SRGAP1: variants seen among roughly 807,000 people sequenced by gnomAD.
SRGAP1 encodes the protein SLIT-ROBO Rho GTPase-activating protein 1.
SRGAP1 carries 43 observed loss-of-function variants against 121.9 expected under a neutral mutation model. The ratio of observed to expected loss-of-function variants is 0.35; its 90% CI spans 0.28 to 0.46. SRGAP1 has a LOEUF of 0.46. Ranked by LOEUF, SRGAP1 falls within the 20% of genes least tolerant of loss-of-function variation. The pLI, the probability that SRGAP1 is intolerant of heterozygous loss-of-function variation, is 1.00. For missense variants in SRGAP1, 1,102 were observed against 1,350.9 expected (o/e 0.82, Z 2.89); for synonymous variants, 447 against 485.4 (o/e 0.92, Z 1.04).
intron 1 of SRGAP1, among the ~76,000 whole-genome samples, chr12:63,924,461 A>G (rs1330003696): frequency 2.0e-5 from 3 of 152,242 alleles, no homozygotes; most frequent in Non-Finnish European, 4.4e-5. Context: ...TATTTTAGAG[A>G]TCATCTAGTT....
rs75141567 is a variant in SRGAP1, at chr12:63,953,137, C to T, written c.68-30810C>T. 8.0e-3 allele frequency among the ~76,000 whole-genome samples: 1,223 copies of T among 152,218 alleles called. 3 individuals carry two copies. Among genetic ancestry groups the T allele is most frequent in the Middle Eastern group, 0.02 (6 of 294 alleles). The stretch of plus-strand genomic sequence containing the variant: ...AGATCTCTGACTCCAGAGCTTGTAC[C>T]GTTTCCATTATACCAGATTGTCCAG... On this transcript the variant is annotated intron_variant, in intron 1 of 21. Transcript: ENST00000355086.
chr12:64,076,811 A>G (rs193224488), intron 8 of SRGAP1, among the ~76,000 whole-genome samples: 17 of 151,844 alleles, frequency 1.1e-4, no homozygotes, highest in Admixed American at 8.5e-4. Context: ...ACGCCCAGCT[A>G]TTTTGTATTT....
chr12:63,937,168 G>A (rs2031691752), intron 1 of SRGAP1, among the ~76,000 whole-genome samples: 1 of 152,100 alleles, frequency 6.6e-6, no homozygotes, highest in African/African-American at 2.4e-5. Context: ...CACATTGGTT[G>A]GTCATGATAA....
intron 8 of SRGAP1, among the ~76,000 whole-genome samples, chr12:64,076,516 A>C (rs1390305273): frequency 6.6e-6 from 1 of 152,220 alleles, no homozygotes; most frequent in East Asian, 1.9e-4. Flanking sequence ...TAAATCATGA[A>C]AGCAGACAAA....
rs551906408 is a variant in SRGAP1 at position 64,079,174 on chromosome 12, C to A, written c.1323+58C>A. The A allele has an allele frequency of 7.6e-6, 12 of 1,586,470 alleles. No individual in the cohort carries two copies. In the Admixed American group the frequency reaches 8.4e-5, roughly 11 times the overall value. On this transcript the variant is annotated intron_variant, in intron 9 of 21. Transcript: ENST00000355086. ...AGCTCAGATCTAGGATTCCCAAGTGCCACTTCTATAGTCACATCAGAACCA... is the reference window on the plus strand; with the variant it reads ...AGCTCAGATCTAGGATTCCCAAGTGACACTTCTATAGTCACATCAGAACCA...
chr12:63,971,877 G>A (rs1304103557), intron 1 of SRGAP1, among the ~76,000 whole-genome samples: 58 of 152,038 alleles, frequency 3.8e-4, no homozygotes, highest in Admixed American at 3.7e-3. Flanking sequence ...TTAGAATTGC[G>A]GCTTTCAGTT....
intron 1 of SRGAP1, among the ~76,000 whole-genome samples, chr12:63,956,884 C>CA (rs1464938122): frequency 6.6e-6 from 1 of 152,140 alleles, no homozygotes; most frequent in Non-Finnish European, 1.5e-5. Flanking sequence ...ACAACACACC[C>CA]ATTAGCCATC....
intron 16 of SRGAP1, among the ~76,000 whole-genome samples, chr12:64,110,925 C>T (rs1299247112): frequency 6.6e-6 from 1 of 152,082 alleles, no homozygotes; most frequent in African/African-American, 2.4e-5. Flanking sequence ...CCTTTTTCTC[C>T]TTCCATTTGT....
Position 63,990,068 on chromosome 12 carries a change from A to G in SRGAP1, c.422A>G (p.Lys141Arg). 6.2e-7 allele frequency: 1 copy of G among 1,604,750 alleles called. No individual in the cohort carries two copies. The highest frequency in any genetic ancestry group is 2.2e-5 in the East Asian group (1 of 44,770). ...AGTGAGGATTCTACCAGGATGTTTAAAAAGGTACACTCCATAAATCCTGCC... is the reference window on the plus strand; with the variant it reads ...AGTGAGGATTCTACCAGGATGTTTAGAAAGGTACACTCCATAAATCCTGCC... Reference protein sequence around the residue: ...QISEDSTRMFKKSKEIAFQLH... With the variant: ...QISEDSTRMFRKSKEIAFQLH... The change falls in exon 3 of 22, where the codon AAA becomes AGA. Residue 141 changes from lysine to arginine, a missense_variant. By Grantham distance (26) the Lys-to-Arg change is conservative. This residue lies in a region of SRGAP1 where 747 missense variants were observed against 929.4 expected (regional missense o/e 0.80). Transcript: ENST00000355086.
intron 1 of SRGAP1, among the ~76,000 whole-genome samples, chr12:63,870,864 G>A (rs1000130581): frequency 1.3e-5 from 2 of 152,146 alleles, no homozygotes; most frequent in Non-Finnish European, 2.9e-5. Flanking sequence ...TTATAGGAGT[G>A]AGCCACTGCT....
intron 1 of SRGAP1, among the ~76,000 whole-genome samples, chr12:63,965,968 C>T (rs555722627): frequency 3.3e-5 from 5 of 152,104 alleles, no homozygotes; most frequent in Middle Eastern, 3.2e-3. Context: ...TACAGGCATC[C>T]GCCATCATGC....
intron 1 of SRGAP1, among the ~76,000 whole-genome samples, chr12:63,866,517 G>A (rs1251618230): frequency 6.6e-6 from 1 of 152,156 alleles, no homozygotes; most frequent in South Asian, 2.1e-4. Context: ...GCATTAAAAT[G>A]ATGTATAACA....
At chr12:63,991,592 A>G (rs559223591) in intron 3 of SRGAP1, among the ~76,000 whole-genome samples, 8 of 152,186 alleles carry the variant, frequency 5.3e-5, no homozygotes, top group Non-Finnish European at 7.3e-5. Context: ...AAAGTGCAAT[A>G]ATTTTCTTGT....
chr12:64,014,077 C>T (rs530391108), intron 3 of SRGAP1, among the ~76,000 whole-genome samples: 1 of 152,298 alleles, frequency 6.6e-6, no homozygotes, highest in Admixed American at 6.5e-5. Flanking sequence ...AGGAACCATT[C>T]TAAATACTAT....
At chr12:63,987,690 C>A (rs2033453275) in intron 2 of SRGAP1, among the ~76,000 whole-genome samples, 1 of 151,848 alleles carries the variant, frequency 6.6e-6, no homozygotes, top group Non-Finnish European at 1.5e-5. Context: ...CCATTGCAGC[C>A]CAGCCTAGGC....
In SRGAP1 at chr12:64,101,308, G is replaced by GGTGTGTGTGTGT. The variant is rs59020353; in HGVS notation, c.1813+3965_1813+3976dup. Among the ~76,000 whole-genome samples, 1,014 of 138,072 alleles carry GGTGTGTGTGTGT rather than the reference G, an allele frequency of 7.3e-3. 9 individuals are homozygous for GGTGTGTGTGTGT. Among genetic ancestry groups the GGTGTGTGTGTGT allele is most frequent in the Middle Eastern group, 0.016 (4 of 258 alleles). 90.6% of individuals were successfully genotyped at this position (138,072 alleles called of 152,430 possible). A position where few individuals can be genotyped will look rare whatever the true frequency, so the allele number is the denominator to read the frequency against. On this transcript the variant is annotated intron_variant, in intron 15 of 21. Coordinates refer to ENST00000355086, the MANE Select transcript of SRGAP1 (RefSeq NM_020762.4). ...TATTTTTGGATTGTTTGGGGAAAGG[G>GGTGTGTGTGTGT]GTGTGTGTGTGTGTGTGTGTGTGTG...
Position 64,071,867 on chromosome 12 carries a change from C to G in SRGAP1, c.1125+6648C>G, listed in dbSNP as rs541682670. ...GAATGGTGATGTGACATTCCCTACC[C>G]TCACCCCCCCCCAAAAAAAAAAGTC... On this transcript the variant is annotated intron_variant, in intron 8 of 21. Coordinates refer to ENST00000355086, the MANE Select transcript of SRGAP1 (RefSeq NM_020762.4). Among the ~76,000 whole-genome samples the G allele has an allele frequency of 8.7e-5, 13 of 148,956 alleles. No homozygotes were observed. The South Asian group carries it at 3.0e-3, about 35-fold the overall frequency.
intron 4 of SRGAP1, among the ~76,000 whole-genome samples, chr12:64,018,387 G>C (rs534766219): frequency 6.6e-6 from 1 of 152,256 alleles, no homozygotes; most frequent in Non-Finnish European, 1.5e-5. Flanking sequence ...CACCGAGCCT[G>C]GCCTGAATTG....
In SRGAP1 at chr12:63,949,102, CCATATATATACATT is replaced by C. The variant is rs1471475300; in HGVS notation, c.68-34837_68-34824del. On this transcript the variant is annotated intron_variant, in intron 1 of 21. Transcript: ENST00000355086. Reference sequence around the variant, plus strand: ...TATGTATTTTCCATATATGTATTTTCCATATATATACATTCATATATGTATTTTCCATATATATA... The same window carrying C: ...TATGTATTTTCCATATATGTATTTTCCATATATGTATTTTCCATATATATA... 8.4e-3 allele frequency among the ~76,000 whole-genome samples: 819 copies of C among 97,666 alleles called. 3 individuals are homozygous for C. The highest frequency in any genetic ancestry group is 0.017 in the East Asian group (41 of 2,418). The allele number at this position is 97,666 out of a possible 152,430, so 64.1% of individuals were successfully genotyped here.
Sources: gnomAD v4.1 joint callset for allele counts (sites outside exome capture counted in the v4.1 genomes callset) on GRCh38, gnomAD v4.1.1 for gene constraint, gnomAD v4.1.1 regional missense constraint, MANE v1.5 for transcripts, NCBI Gene and HGNC (gene_info 2026-07-23, HGNC 2026-07-21) for gene names.